The following PRKN variants were observed in gnomAD, a reference collection of about 807,000 sequenced individuals.
PRKN encodes E3 ubiquitin-protein ligase parkin.
Under a neutral mutation model 59.5 loss-of-function variants are expected in PRKN, and 56 were observed. The observed-to-expected ratio is 0.94, with a 90% CI of 0.76 to 1.18. The LOEUF is 1.18. PRKN is among the 50% of genes most tolerant of loss of function. The probability of loss-of-function intolerance (pLI) is 0.00; values close to 1 mark genes in which losing one functional copy is unlikely to be tolerated. For missense variants in PRKN, 657 were observed against 596.4 expected (o/e 1.10, Z -1.06); for synonymous variants, 250 against 222.1 (o/e 1.13, Z -1.12).
At chr6:161,517,739 CAAAAAAAAA>C (rs3032892) in intron 9 of PRKN, among the ~76,000 whole-genome samples, 28 of 48,392 alleles carry the variant, frequency 5.8e-4, no homozygotes, top group African/African-American at 2.4e-3. Flanking sequence ...GACTCTATCT[CAAAAAAAAA>C]AAAAAAAAAA....
chr6:162,063,543 ATTTC>A (rs767051743), intron 4 of PRKN, among the ~76,000 whole-genome samples: 1 of 151,982 alleles, frequency 6.6e-6, no homozygotes. Context: ...CGGTTTTGGA[ATTTC>A]TTTCTTTTTT....
chr6:162,302,455 CAAG>C (rs1395348639), intron 2 of PRKN, among the ~76,000 whole-genome samples: 1 of 152,110 alleles, frequency 6.6e-6, no homozygotes, highest in Admixed American at 6.5e-5. Flanking sequence ...AGAAATTCAA[CAAG>C]AAACAGATTG....
intron 5 of PRKN, among the ~76,000 whole-genome samples, chr6:161,988,921 A>G (rs542705744): frequency 1.3e-5 from 2 of 152,352 alleles, no homozygotes; most frequent in African/African-American, 4.8e-5. Flanking sequence ...CTGATTTTTA[A>G]AAAAATATTT....
At chr6:162,393,197 T>C (rs1459729314) in intron 2 of PRKN, among the ~76,000 whole-genome samples, 2 of 136,740 alleles carry the variant, frequency 1.5e-5, no homozygotes, top group East Asian at 2.4e-4. Flanking sequence ...TCTCGCTCTG[T>C]TGCCCAGGCT....
At chr6:161,982,054 T>A (rs932799796) in intron 5 of PRKN, among the ~76,000 whole-genome samples, 4 of 152,202 alleles carry the variant, frequency 2.6e-5, no homozygotes, top group African/African-American at 9.7e-5. Flanking sequence ...TTGGCTAATA[T>A]AACAACCCAC....
chr6:161,781,561 C>T (rs991293601), intron 7 of PRKN, among the ~76,000 whole-genome samples: 5 of 152,112 alleles, frequency 3.3e-5, no homozygotes, highest in South Asian at 4.1e-4. Context: ...AGCTTGACCA[C>T]GCAAAATTCT....
chr6:162,509,171 A>C (rs1793737455), intron 1 of PRKN, among the ~76,000 whole-genome samples: 1 of 152,304 alleles, frequency 6.6e-6, no homozygotes, highest in East Asian at 1.9e-4. Context: ...TTAAGTGGGT[A>C]TTTCTACAAA....
chr6:162,670,479 G>A (rs1040725224), intron 1 of PRKN, among the ~76,000 whole-genome samples: 5 of 152,148 alleles, frequency 3.3e-5, no homozygotes, highest in African/African-American at 1.2e-4. Flanking sequence ...GCAGAACATG[G>A]TCACAAAACA....
At chr6:161,820,143 AAG>A (rs1438283599) in intron 6 of PRKN, among the ~76,000 whole-genome samples, 1 of 152,114 alleles carries the variant, frequency 6.6e-6, no homozygotes, top group African/African-American at 2.4e-5. Context: ...TTTTACCAGA[AAG>A]AGAGCATTTT....
intron 1 of PRKN, among the ~76,000 whole-genome samples, chr6:162,720,551 C>T (rs112888139): frequency 2.0e-5 from 3 of 150,126 alleles, no homozygotes; most frequent in South Asian, 2.1e-4. Context: ...CCCGGGTTCA[C>T]GCCATTCTCC....
At chr6:162,548,483 G>C (rs1223762671) in intron 1 of PRKN, among the ~76,000 whole-genome samples, 1 of 151,922 alleles carries the variant, frequency 6.6e-6, no homozygotes, top group Non-Finnish European at 1.5e-5. Context: ...TCTGGACCCA[G>C]GAACAGGAAT....
chr6:161,690,707 C>A (rs906707109), intron 7 of PRKN, among the ~76,000 whole-genome samples: 2 of 152,188 alleles, frequency 1.3e-5, no homozygotes, highest in African/African-American at 4.8e-5. Context: ...TTCCCTCCGC[C>A]TGACCTCTTG....
At chr6:162,687,188 CTTTTTTTT>C (rs749381380) in intron 1 of PRKN, among the ~76,000 whole-genome samples, 1 of 134,630 alleles carries the variant, frequency 7.4e-6, no homozygotes, top group Admixed American at 7.5e-5. Context: ...GCCTCTTTTT[CTTTTTTTT>C]TTTTTTTGAG....
At chr6:161,897,949 A>G (rs988968408) in intron 6 of PRKN, among the ~76,000 whole-genome samples, 13 of 123,430 alleles carry the variant, frequency 1.1e-4, no homozygotes, top group African/African-American at 4.2e-4. Flanking sequence ...CCTGGGTGAC[A>G]GAGCGAGACT....
At chr6:162,329,641 A>C (rs1161712050) in intron 2 of PRKN, among the ~76,000 whole-genome samples, 1 of 152,168 alleles carries the variant, frequency 6.6e-6, no homozygotes, top group Non-Finnish European at 1.5e-5. Flanking sequence ...AGGGGAACTA[A>C]GAACAAACTT....
intron 1 of PRKN, among the ~76,000 whole-genome samples, chr6:162,637,624 C>G (rs1777779942): frequency 6.6e-6 from 1 of 152,088 alleles, no homozygotes; most frequent in South Asian, 2.1e-4. Context: ...AAAACTTTGA[C>G]CTCATATTTG....
intron 1 of PRKN, among the ~76,000 whole-genome samples, chr6:162,468,764 G>C (rs770895036): frequency 6.6e-6 from 1 of 152,178 alleles, no homozygotes; most frequent in Non-Finnish European, 1.5e-5. Flanking sequence ...TTACCTAGAA[G>C]GGTGCATAAG....
intron 2 of PRKN, among the ~76,000 whole-genome samples, chr6:162,437,593 C>A (rs6927019): frequency 1.3e-5 from 2 of 151,982 alleles, no homozygotes; most frequent in Admixed American, 6.6e-5. Context: ...GCTTCCACCC[C>A]CTTCAGAACT....
intron 1 of PRKN, among the ~76,000 whole-genome samples, chr6:162,461,499 C>CAAAAAAAAA (rs780424226): frequency 0.01 from 369 of 36,492 alleles, no homozygotes; most frequent in Non-Finnish European, 0.013. Flanking sequence ...TAAAGTGTCT[C>CAAAAAAAAA]AAAAAAAAAA....
Sources: gnomAD v4.1 joint callset for allele counts (sites outside exome capture counted in the v4.1 genomes callset) on GRCh38, gnomAD v4.1.1 for gene constraint, MANE v1.5 for transcripts, NCBI Gene and HGNC (gene_info 2026-07-23, HGNC 2026-07-21) for gene names.